Variants in VPS39 observed in about 807,000 individuals in gnomAD.
The protein encoded by VPS39 is vam6/Vps39-like protein.
Under a neutral mutation model 121.0 loss-of-function variants are expected in VPS39, and 70 were observed. The observed-to-expected ratio is 0.58, with a 90% CI of 0.48 to 0.71. The LOEUF (loss-of-function observed/expected upper bound fraction) is 0.71. VPS39 is among the 30% of genes least tolerant of loss of function. The pLI, the probability that VPS39 is intolerant of heterozygous loss-of-function variation, is 0.00. For synonymous variants in VPS39, 378 were observed against 398.1 expected (o/e 0.95, Z 0.60); for missense variants, 818 against 1,051.5 (o/e 0.78, Z 3.07).
intron 11 of VPS39, 34 bp downstream of exon 11, chr15:42,173,689 T>C (rs756195852): frequency 1.7e-5 from 27 of 1,606,244 alleles, no homozygotes; most frequent in Non-Finnish European, 2.0e-5. Context: ...CCTCCTCCAT[T>C]AGTCCCTTAT....
At chr15:42,164,582 C>A (rs2049205279) in intron 18 of VPS39, 96 bp from the exon 19 acceptor site, 1 of 1,515,030 alleles carries the variant, frequency 6.6e-7, no homozygotes, top group Non-Finnish European at 8.8e-7. Flanking sequence ...AAGGATGTCA[C>A]CACATGACCA....
At chr15:42,190,864 T>G (rs2049813455) in intron 4 of VPS39, among the ~76,000 whole-genome samples, 1 of 152,160 alleles carries the variant, frequency 6.6e-6, no homozygotes, top group Non-Finnish European at 1.5e-5. Flanking sequence ...CCCGAATGTC[T>G]AGTCCAGACT....
chr15:42,199,997 A>G (rs1309358723), intron 1 of VPS39, 36 bp from the exon 2 acceptor site: 1 of 1,547,218 alleles, frequency 6.5e-7, no homozygotes, highest in Non-Finnish European at 8.6e-7. Flanking sequence ...CAAAAACAAA[A>G]AAAAACCAGC....
intron 19 of VPS39, 34 bp from the exon 20 acceptor site, chr15:42,163,762 G>T: frequency 6.6e-7 from 1 of 1,516,190 alleles, no homozygotes; most frequent in Non-Finnish European, 9.0e-7. Flanking sequence ...AACCACTGCC[G>T]CCATCACGCA....
intron 16 of VPS39, 24 bp from the exon 17 acceptor site, chr15:42,165,840 A>G (rs768998826): frequency 6.2e-7 from 1 of 1,604,920 alleles, no homozygotes; most frequent in South Asian, 1.1e-5. Flanking sequence ...CCCGAGTTCC[A>G]GCAGCAGAAC....
At chr15:42,174,119 TGC>T (rs2049401408) in intron 10 of VPS39, among the ~76,000 whole-genome samples, 3 of 152,062 alleles carry the variant, frequency 2.0e-5, no homozygotes, top group African/African-American at 7.2e-5. Flanking sequence ...TGGTGGCACG[TGC>T]CTGTAGTCCC....
At chr15:42,191,668 G>T in intron 2 of VPS39, 108 bp from the exon 3 acceptor site, 1 of 927,576 alleles carries the variant, frequency 1.1e-6, no homozygotes, top group Non-Finnish European at 1.6e-6. Flanking sequence ...ATCTTTGGAA[G>T]TTCCTGAAAG....
Position 42,167,554 on chromosome 15 carries a change from G to A in VPS39, c.1234-17C>T. ...ACTTCGTTTCTGCAAAGGTCAAAAT[G>A]TGGGGTTAAGGCCAGGACTAAGTCT... On this transcript the variant is annotated splice_polypyrimidine_tract_variant and intron_variant, in intron 12 of 24. Transcript: ENST00000318006. 6.2e-7 allele frequency: 1 copy of A among 1,613,570 alleles called. No individual in the cohort carries two copies. The highest frequency in any genetic ancestry group is 1.3e-5 in the African/African-American group (1 of 75,008).
chr15:42,165,184 AT>A, intron 17 of VPS39, 71 bp from the exon 18 acceptor site: 1 of 1,450,670 alleles, frequency 6.9e-7, no homozygotes, highest in African/African-American at 1.4e-5. Context: ...CCTCCCTCAC[AT>A]TTTTAAGGCC....
rs1312858580 is a variant in VPS39 at position 42,169,778 on chromosome 15, G to A, written c.1179C>T (p.Leu393=). 6 of 1,614,012 alleles carry A rather than the reference G, an allele frequency of 3.7e-6. No homozygotes were observed. Among genetic ancestry groups the A allele is most frequent in the Non-Finnish European group, 4.2e-6 (5 of 1,180,038 alleles). ...GAGCCTTCTCCAATTCAGCCCCGGA[G>A]AGCACAGGCAATGGGTTGGGATACT... is the stretch of plus-strand genomic sequence containing the variant. The part of the protein sequence containing the change: ...QLQYPNPLPV[L]SGAELEKAHL... The change falls in exon 12 of 25, where the codon CTC becomes CTT. Residue 393 remains leucine (L), a synonymous_variant. Coordinates refer to ENST00000318006, the MANE Select transcript of VPS39 (RefSeq NM_015289.5).
Position 42,184,532 on chromosome 15 carries a change from T to G in VPS39, c.703A>C (p.Ile235Leu), listed in dbSNP as rs1052483248. The G allele has an allele frequency of 6.2e-7, 1 of 1,609,694 alleles. No homozygotes were observed. Among genetic ancestry groups the G allele is most frequent in the African/African-American group, 1.3e-5 (1 of 74,898 alleles). Residue 235 changes from isoleucine to leucine, a missense_variant, in exon 8 of 25, where the codon ATA (isoleucine) becomes CTA (leucine). Coordinates refer to ENST00000318006, the MANE Select transcript of VPS39 (RefSeq NM_015289.5). ...TQKCALNWTD[I>L]PVAMEHQPPY... ...TTGGTCTCACCCATGGCCACTGGTA[T>G]GTCCGTCCAGTTCAGGGCACATTTC...
rs1193180303 is a variant in VPS39, at chr15:42,208,267, G to T, written c.-114C>A. ...CCGGGATCCGGCCAGGAACCCCCCGGCTACAGGCCCTTCAACAACACAGCC... is the reference window on the plus strand; with the variant it reads ...CCGGGATCCGGCCAGGAACCCCCCGTCTACAGGCCCTTCAACAACACAGCC... On this transcript the variant is annotated 5_prime_UTR_variant, in exon 1 of 25. Transcript: ENST00000318006. 5.3e-5 allele frequency: 73 copies of T among 1,368,522 alleles called. No individual in the cohort carries two copies. The highest frequency in any genetic ancestry group is 3.0e-5 in the Non-Finnish European group (30 of 1,004,914). 84.8% of individuals were successfully genotyped at this position (1,368,522 alleles called of 1,614,324 possible).
intron 2 of VPS39, among the ~76,000 whole-genome samples, chr15:42,193,424 CTTT>C (rs2140880954): frequency 6.6e-6 from 1 of 152,256 alleles, no homozygotes; most frequent in African/African-American, 2.4e-5. Flanking sequence ...TCAGATTCTT[CTTT>C]GATACTACAC....
chr15:42,193,043 G>C lies in VPS39; in HGVS notation c.140-1483C>G, dbSNP rs550785858. ...GATCCACCCACCTCGGCCTTCCAAA[G>C]TGCTGGGATTACAGGAGTGAGCCAC... is the stretch of plus-strand genomic sequence containing the variant. On this transcript the variant is annotated intron_variant, in intron 2 of 24. Coordinates refer to ENST00000318006, the MANE Select transcript of VPS39 (RefSeq NM_015289.5). 9.2e-5 allele frequency among the ~76,000 whole-genome samples: 14 copies of C among 152,258 alleles called. No homozygotes were observed. In the East Asian group the frequency reaches 2.3e-3, roughly 25 times the overall value.
chr15:42,168,512 T>A (rs1352386196), intron 12 of VPS39, among the ~76,000 whole-genome samples: 2 of 150,756 alleles, frequency 1.3e-5, no homozygotes, highest in African/African-American at 4.9e-5. Flanking sequence ...GAGTGGAAAG[T>A]GGCATGACAA....
intron 2 of VPS39, among the ~76,000 whole-genome samples, chr15:42,192,271 G>T (rs1703750): frequency 0.31 from 47,215 of 151,984 alleles, 11,232 homozygotes; most frequent in African/African-American, 0.65. Context: ...TACTGGGTTC[G>T]GGGTTTAAAA....
Position 42,180,440 on chromosome 15 carries a change from A to G in VPS39, c.719-1870T>C, listed in dbSNP as rs987973805. 3.9e-5 allele frequency among the ~76,000 whole-genome samples: 6 copies of G among 152,352 alleles called. 1 individual carries two copies. Among genetic ancestry groups the G allele is most frequent in the Admixed American group, 1.3e-4 (2 of 15,308 alleles). ...CTGTACTTTTTGACAAGCATGTGAC[A>G]GTCCAAAGCTTAAAATGCTGGATGA... On this transcript the variant is annotated intron_variant, in intron 8 of 24. Transcript: ENST00000318006.
At chr15:42,205,346 T>C (rs1345594030) in intron 1 of VPS39, among the ~76,000 whole-genome samples, 1 of 152,180 alleles carries the variant, frequency 6.6e-6, no homozygotes, top group Non-Finnish European at 1.5e-5. Flanking sequence ...ATCTCTTTTA[T>C]ATAGGATACA....
At chr15:42,162,006 C>T in intron 23 of VPS39, 26 bp downstream of exon 23, 11 of 1,613,796 alleles carry the variant, frequency 6.8e-6, no homozygotes, top group Non-Finnish European at 9.3e-6. Context: ...AAAGCCCACC[C>T]TAGAGTTTGG....
Sources: gnomAD v4.1 joint callset for allele counts (sites outside exome capture counted in the v4.1 genomes callset) on GRCh38, gnomAD v4.1.1 for gene constraint, MANE v1.5 for transcripts, NCBI Gene and HGNC (gene_info 2026-07-23, HGNC 2026-07-21) for gene names.